The following NFIA variants were observed in gnomAD, a reference collection of about 807,000 sequenced individuals.
The protein encoded by NFIA is nuclear factor I A, also known as nuclear factor 1 A-type.
In NFIA, 8 loss-of-function variants were observed where a neutral mutation model predicts 62.8. That is an observed-to-expected ratio of 0.13 (90% confidence interval 0.07 to 0.23). NFIA has a LOEUF of 0.23. NFIA is among the 10% of genes least tolerant of loss of function. The pLI, the probability that NFIA is intolerant of heterozygous loss-of-function variation, is 1.00. For synonymous variants in NFIA, 235 were observed against 238.1 expected (o/e 0.99, Z 0.12); for missense variants, 410 against 642.1 (o/e 0.64, Z 3.91).
At chr1:61,081,931 G>T (rs778872861), upstream of NFIA, 6 of 1,549,886 alleles carry the variant, frequency 3.9e-6, no homozygotes, top group South Asian at 5.9e-5. Flanking sequence ...ATTTTTCAAA[G>T]AAATTTGCAT....
At chr1:61,262,944 C>A (rs1656861175) in intron 2 of NFIA, among the ~76,000 whole-genome samples, 1 of 152,130 alleles carries the variant, frequency 6.6e-6, no homozygotes, top group African/African-American at 2.4e-5. Flanking sequence ...AGACACCTTG[C>A]CGCATATTGT....
intron 10 of NFIA, among the ~76,000 whole-genome samples, chr1:61,430,435 T>G (rs1352978334): frequency 2.6e-5 from 4 of 152,258 alleles, no homozygotes; most frequent in African/African-American, 7.2e-5. Context: ...AGTGTTTCTG[T>G]GCATACAAAT....
chr1:61,086,018 T>C (rs534881646), intron 1 of NFIA, among the ~76,000 whole-genome samples: 6 of 152,332 alleles, frequency 3.9e-5, no homozygotes, highest in African/African-American at 1.4e-4. Context: ...ATGCTTATTA[T>C]CATTAATCAA....
intron 2 of NFIA, among the ~76,000 whole-genome samples, chr1:61,192,775 T>G (rs1187732792): frequency 6.6e-6 from 1 of 152,076 alleles, no homozygotes; most frequent in African/African-American, 2.4e-5. Context: ...CTTGACTTCA[T>G]TTACTGTAAG....
At chr1:61,102,383 T>G (rs1253221762) in intron 2 of NFIA, among the ~76,000 whole-genome samples, 5 of 152,214 alleles carry the variant, frequency 3.3e-5, no homozygotes. Flanking sequence ...TACTTGATGA[T>G]TTTAGCAATA....
chr1:61,086,365 GC>G (rs1225330100), intron 1 of NFIA, among the ~76,000 whole-genome samples: 1 of 152,034 alleles, frequency 6.6e-6, no homozygotes, highest in African/African-American at 2.4e-5. Flanking sequence ...ACTGTGACTT[GC>G]CCCCCATGCC....
chr1:61,206,369 A>G (rs1652903704), intron 2 of NFIA, among the ~76,000 whole-genome samples: 1 of 152,150 alleles, frequency 6.6e-6, no homozygotes, highest in South Asian at 2.1e-4. Flanking sequence ...ACTGTTTGGT[A>G]ACAACCTTTT....
Position 61,383,244 on chromosome 1 carries a change from A to T in NFIA, c.954A>T (p.Pro318=), listed in dbSNP as rs1356873066. Residue 318 remains proline, a synonymous_variant, in exon 7 of 11, where the codon CCA becomes CCT. Transcript: ENST00000403491. ...SGWHEVEPGM[P]SPTTLKKSEK... is the part of the protein sequence containing the mutation. Reference sequence around the variant, plus strand: ...GTTGATCCTTCTTGCCAGGAATGCCATCTCCAACCACACTGAAGAAGTCGG... The same window carrying T: ...GTTGATCCTTCTTGCCAGGAATGCCTTCTCCAACCACACTGAAGAAGTCGG... 2 of 1,613,980 alleles carry T rather than the reference A, an allele frequency of 1.2e-6. No homozygotes were observed. The highest frequency in any genetic ancestry group is 2.2e-5 in the South Asian group (2 of 91,076).
intron 2 of NFIA, among the ~76,000 whole-genome samples, chr1:61,260,690 C>T (rs1341817056): frequency 6.6e-6 from 1 of 152,176 alleles, no homozygotes. Flanking sequence ...ATGCCATTCT[C>T]CTGCCTCAAC....
chr1:61,397,849 A>G (rs183128608), intron 7 of NFIA, among the ~76,000 whole-genome samples: 1 of 152,306 alleles, frequency 6.6e-6, no homozygotes, highest in African/African-American at 2.4e-5. Context: ...ACACACACGG[A>G]TGTGGTCAGC....
At chr1:61,402,408 A>G (rs754259814) in intron 7 of NFIA, among the ~76,000 whole-genome samples, 5 of 152,046 alleles carry the variant, frequency 3.3e-5, no homozygotes, top group Non-Finnish European at 5.9e-5. Context: ...GGTTTTAGCA[A>G]ATTTTATTCT....
At chr1:61,321,992 C>G (rs753433680) in intron 3 of NFIA, among the ~76,000 whole-genome samples, 2 of 152,062 alleles carry the variant, frequency 1.3e-5, no homozygotes, top group East Asian at 3.9e-4. Context: ...TTGGATTAGA[C>G]TGGGTAATTA....
In NFIA at chr1:61,409,694, T is replaced by C. The variant is rs1666009772; in HGVS notation, c.1420+2967T>C. 2.6e-5 allele frequency among the ~76,000 whole-genome samples: 4 copies of C among 152,238 alleles called. No homozygotes were observed. The South Asian group carries it at 8.3e-4, about 32-fold the overall frequency. On this transcript the variant is annotated intron_variant, in intron 9 of 10. Coordinates refer to ENST00000403491, the MANE Select transcript of NFIA (RefSeq NM_001134673.4). ...TACATCGTCATAGCTACCAGGTCGC[T>C]GGCAGGACTAGACCACAGCAGCCCT...
rs1186725197 is a variant in NFIA at position 61,460,958 on chromosome 1, T to A, written c.*5638T>A. 1 of 152,248 alleles carries A rather than the reference T, an allele frequency of 6.6e-6. No homozygotes were observed. The highest frequency in any genetic ancestry group is 1.9e-4 in the East Asian group (1 of 5,204). The allele number at this position is 152,248 out of a possible 1,614,324, so 9.4% of individuals were successfully genotyped here. On this transcript the variant is annotated 3_prime_UTR_variant, in exon 11 of 11. Coordinates refer to ENST00000403491, the MANE Select transcript of NFIA (RefSeq NM_001134673.4). ...TTCTTGATTTCGGCTGTTTTCAGTA[T>A]TTTGGAGGTATACATTTACTTAAAT...
intron 2 of NFIA, among the ~76,000 whole-genome samples, chr1:61,227,881 A>C (rs1654428238): frequency 6.6e-6 from 1 of 152,218 alleles, no homozygotes; most frequent in Non-Finnish European, 1.5e-5. Context: ...AAAGCTGTGA[A>C]TATTTAAGCC....
chr1:61,411,610 A>G (rs1666105634), intron 9 of NFIA, among the ~76,000 whole-genome samples: 1 of 152,032 alleles, frequency 6.6e-6, no homozygotes, highest in African/African-American at 2.4e-5. Context: ...CCCTGGCCTT[A>G]TGGAACTTTG....
intron 2 of NFIA, among the ~76,000 whole-genome samples, chr1:61,144,346 T>G (rs1177674604): frequency 6.6e-6 from 1 of 152,206 alleles, no homozygotes; most frequent in Non-Finnish European, 1.5e-5. Context: ...TTTTAAACAA[T>G]TTGTGTTCCT....
chr1:61,363,866 T>G (rs1663439073), intron 6 of NFIA, among the ~76,000 whole-genome samples: 1 of 152,028 alleles, frequency 6.6e-6, no homozygotes, highest in Non-Finnish European at 1.5e-5. Context: ...AGGCCCTCAG[T>G]GATCTAAAAT....
intron 9 of NFIA, among the ~76,000 whole-genome samples, chr1:61,407,832 G>A (rs1665920920): frequency 6.6e-6 from 1 of 152,180 alleles, no homozygotes; most frequent in Non-Finnish European, 1.5e-5. Context: ...ACATGGTGGG[G>A]AGTGTTTTGT....
Sources: allele counts gnomAD v4.1 joint callset (sites outside exome capture counted in the v4.1 genomes callset), GRCh38; gene constraint gnomAD v4.1.1; transcripts MANE v1.5; gene names NCBI Gene and HGNC (gene_info 2026-07-23, HGNC 2026-07-21).